Variants in SESN3 observed in about 807,000 individuals in gnomAD.
SESN3 encodes the protein sestrin 3.
SESN3 carries 21 observed loss-of-function variants against 55.3 expected under a neutral mutation model. The observed-to-expected ratio is 0.38, with a 90% CI of 0.27 to 0.55. SESN3 has a LOEUF of 0.55. Ranked by LOEUF, SESN3 falls within the 20% of genes least tolerant of loss-of-function variation. The pLI is 0.76. For missense variants in SESN3, 408 were observed against 604.3 expected (o/e 0.68, Z 3.41); for synonymous variants, 181 against 203.1 (o/e 0.89, Z 0.93).
intron 1 of SESN3, among the ~76,000 whole-genome samples, chr11:95,221,163 G>C (rs1325278318): frequency 6.6e-6 from 1 of 152,058 alleles, no homozygotes; most frequent in Non-Finnish European, 1.5e-5. Flanking sequence ...AATTAGCTGG[G>C]TATGGTGGTG....
chr11:95,199,366 TG>T (rs1326416801), intron 1 of SESN3, among the ~76,000 whole-genome samples: 1 of 152,050 alleles, frequency 6.6e-6, no homozygotes, highest in Admixed American at 6.6e-5. Context: ...TCATTATAGC[TG>T]AAAAAAGTTA....
intron 1 of SESN3, among the ~76,000 whole-genome samples, chr11:95,194,225 A>C (rs1860319620): frequency 6.6e-6 from 1 of 152,054 alleles, no homozygotes; most frequent in Non-Finnish European, 1.5e-5. Flanking sequence ...CAAGCCATAA[A>C]AATTCGAATC....
intron 1 of SESN3, among the ~76,000 whole-genome samples, chr11:95,221,587 T>C (rs1001287675): frequency 6.6e-6 from 1 of 152,252 alleles, no homozygotes; most frequent in African/African-American, 2.4e-5. Flanking sequence ...ATACATATTT[T>C]ATACTTGTTA....
intron 6 of SESN3, 86 bp downstream of exon 6, chr11:95,184,334 T>A: frequency 2.7e-6 from 3 of 1,093,652 alleles, no homozygotes; most frequent in Non-Finnish European, 4.1e-6. Context: ...AGCAGAATCA[T>A]TTTTACATAT....
chr11:95,178,703 A>C lies in SESN3; in HGVS notation c.1056+7T>G. On this transcript the variant is annotated splice_region_variant and intron_variant, in intron 7 of 9. Transcript: ENST00000536441. ...TCTAGTTTCTCTGAATTAAAGACAT[A>C]TTATACCTGAGCTCGGAATGTTGGC... is the stretch of plus-strand genomic sequence containing the variant. The C allele has an allele frequency of 1.3e-6, 2 of 1,542,046 alleles. No homozygotes were observed. Among genetic ancestry groups the C allele is most frequent in the Non-Finnish European group, 1.8e-6 (2 of 1,114,284 alleles).
chr11:95,168,197 C>A lies in SESN3; in HGVS notation c.*5058G>T, dbSNP rs569661023. 4.6e-5 allele frequency: 7 copies of A among 152,282 alleles called. No individual in the cohort carries two copies. In the East Asian group the frequency reaches 1.3e-3, roughly 29 times the overall value. 9.4% of individuals were successfully genotyped at this position (152,282 alleles called of 1,614,324 possible). A position where few individuals can be genotyped will look rare whatever the true frequency, so the allele number is the denominator to read the frequency against. Reference sequence around the variant, plus strand: ...AATAAAACAAATGTCTGGAACACCACCCTATTTGCATACCAGAAATTTCCC... The same window carrying A: ...AATAAAACAAATGTCTGGAACACCAACCTATTTGCATACCAGAAATTTCCC... On this transcript the variant is annotated 3_prime_UTR_variant, in exon 10 of 10. Transcript: ENST00000536441.
At chr11:95,218,989 T>C (rs1395413762) in intron 1 of SESN3, among the ~76,000 whole-genome samples, 1 of 152,180 alleles carries the variant, frequency 6.6e-6, no homozygotes, top group African/African-American at 2.4e-5. Flanking sequence ...AAATACTAAA[T>C]AGGTTTCTTG....
intron 1 of SESN3, among the ~76,000 whole-genome samples, chr11:95,221,922 T>C (rs192584759): frequency 1.3e-5 from 2 of 152,320 alleles, no homozygotes; most frequent in African/African-American, 2.4e-5. Context: ...AACAATTCTA[T>C]TTCAAATTTA....
chr11:95,193,562 TTC>T, intron 1 of SESN3, 40 bp from the exon 2 acceptor site: 1 of 1,097,980 alleles, frequency 9.1e-7, no homozygotes, highest in Non-Finnish European at 1.4e-6. Flanking sequence ...AATGATGACT[TTC>T]TAAGAAATGT....
upstream of SESN3, chr11:95,231,946 T>C (rs1395292680): frequency 6.6e-6 from 1 of 152,140 alleles, no homozygotes; most frequent in Non-Finnish European, 1.5e-5. Context: ...GGTTTAGCGG[T>C]TTCCTCTTGT....
Position 95,169,048 on chromosome 11 carries a change from T to G in SESN3, c.*4207A>C, listed in dbSNP as rs1859801679. ...CTTCCTTCCTCATAGGGCTCTGCCT[T>G]GACATATACCTCTACCTCTCTTATC... is the stretch of plus-strand genomic sequence containing the variant. On this transcript the variant is annotated 3_prime_UTR_variant, in exon 10 of 10. Transcript: ENST00000536441. The G allele has an allele frequency of 6.6e-6, 1 of 152,294 alleles. No individual in the cohort carries two copies. The highest frequency in any genetic ancestry group is 6.5e-5 in the Admixed American group (1 of 15,282). 9.4% of individuals were successfully genotyped at this position (152,294 alleles called of 1,614,324 possible). A position where few individuals can be genotyped will look rare whatever the true frequency, so the allele number is the denominator to read the frequency against.
chr11:95,219,576 G>C (rs1314098285), intron 1 of SESN3, among the ~76,000 whole-genome samples: 1 of 152,012 alleles, frequency 6.6e-6, no homozygotes, highest in Non-Finnish European at 1.5e-5. Context: ...AAGTGAACAA[G>C]GATAAGCCAG....
rs1303918726 is a variant in SESN3, at chr11:95,231,150, G to T, written c.-290C>A. On this transcript the variant is annotated 5_prime_UTR_variant, in exon 1 of 10. Transcript: ENST00000536441. ...ACCCCCGCCCCCGCCAGGCTAGGACGAGCAGCCGCCACCGCTGCCACCGCC... is the reference window on the plus strand; with the variant it reads ...ACCCCCGCCCCCGCCAGGCTAGGACTAGCAGCCGCCACCGCTGCCACCGCC... The T allele has an allele frequency of 9.5e-6, 3 of 314,480 alleles. No homozygotes were observed. The highest frequency in any genetic ancestry group is 5.7e-5 in the Admixed American group (1 of 17,686). The allele number at this position is 314,480 out of a possible 1,614,324, so 19.5% of individuals were successfully genotyped here.
chr11:95,199,038 CAG>C (rs1230111849), intron 1 of SESN3, among the ~76,000 whole-genome samples: 16 of 152,198 alleles, frequency 1.1e-4, no homozygotes, highest in South Asian at 4.1e-4. Flanking sequence ...TACCATTCTT[CAG>C]AGTCTTAATT....
At chr11:95,204,715 T>G (rs1393280231) in intron 1 of SESN3, 1 of 152,222 alleles carries the variant, frequency 6.6e-6, no homozygotes, top group Non-Finnish European at 1.5e-5. Flanking sequence ...CACAATTTGC[T>G]GGCACCCTGA....
At chr11:95,221,505 A>G (rs1860859118) in intron 1 of SESN3, among the ~76,000 whole-genome samples, 1 of 152,228 alleles carries the variant, frequency 6.6e-6, no homozygotes, top group Non-Finnish European at 1.5e-5. Flanking sequence ...GTATCTAGAA[A>G]GAAGAACATA....
intron 1 of SESN3, among the ~76,000 whole-genome samples, chr11:95,214,069 T>A (rs1479653280): frequency 6.6e-6 from 1 of 152,088 alleles, no homozygotes; most frequent in Non-Finnish European, 1.5e-5. Flanking sequence ...TCTTTTTTCA[T>A]GAGATTCAAA....
upstream of SESN3, chr11:95,231,436 A>C (rs1307837973): frequency 3.2e-6 from 1 of 307,730 alleles, no homozygotes; most frequent in African/African-American, 2.2e-5. Context: ...GCGGTTAGCT[A>C]AGTAGTAGGG....
At chr11:95,181,412 T>C (rs1458474436) in intron 6 of SESN3, among the ~76,000 whole-genome samples, 1 of 152,114 alleles carries the variant, frequency 6.6e-6, no homozygotes, top group Admixed American at 6.5e-5. Context: ...CAAATACTTT[T>C]TTCCTAAATT....
Sources: allele counts gnomAD v4.1 joint callset (sites outside exome capture counted in the v4.1 genomes callset), GRCh38; gene constraint gnomAD v4.1.1; transcripts MANE v1.5; gene names NCBI Gene and HGNC (gene_info 2026-07-23, HGNC 2026-07-21).